EML1: variants seen among roughly 807,000 people sequenced by gnomAD.
EML1 encodes EMAP like 1, also known as echinoderm microtubule-associated protein-like 1.
EML1 carries 27 observed loss-of-function variants against 110.4 expected under a neutral mutation model. The observed-to-expected ratio is 0.24, with a 90% CI of 0.18 to 0.34. The LOEUF (loss-of-function observed/expected upper bound fraction) is 0.34, where lower values mean the gene tolerates loss of function less well. EML1 is among the 10% of genes least tolerant of loss of function. The probability of loss-of-function intolerance (pLI) is 1.00; values close to 1 mark genes in which losing one functional copy is unlikely to be tolerated. For synonymous variants in EML1, 344 were observed against 385.8 expected (o/e 0.89, Z 1.27); for missense variants, 741 against 1,030.9 (o/e 0.72, Z 3.85).
chr14:99,848,337 T>A (rs894524411), intron 1 of EML1, among the ~76,000 whole-genome samples: 3 of 152,150 alleles, frequency 2.0e-5, no homozygotes, highest in Non-Finnish European at 2.9e-5. Context: ...CATGTATGTA[T>A]CCTTGAGAAC....
At chr14:99,926,814 G>C (rs2060242589) in intron 17 of EML1, among the ~76,000 whole-genome samples, 1 of 151,574 alleles carries the variant, frequency 6.6e-6, no homozygotes, top group Non-Finnish European at 1.5e-5. Context: ...CGTGATCTCA[G>C]CTCACTGCAA....
Position 99,859,457 on chromosome 14 carries a change from C to A in EML1, c.251-6057C>A, listed in dbSNP as rs973152753. ...GTTGCTTTACAGAACACGCTTCTCA[C>A]ATGAATGAAAGACAACAGATTTCAG... On this transcript the variant is annotated intron_variant, in intron 2 of 21. Coordinates refer to ENST00000262233, the MANE Select transcript of EML1 (RefSeq NM_004434.3). Among the ~76,000 whole-genome samples, 6 of 152,298 alleles carry A rather than the reference C, an allele frequency of 3.9e-5. No individual in the cohort carries two copies. In the South Asian group the frequency reaches 1.2e-3, roughly 32 times the overall value.
At chr14:99,910,410 T>G in intron 12 of EML1, 69 bp downstream of exon 12, 2 of 1,255,736 alleles carry the variant, frequency 1.6e-6, no homozygotes, top group Non-Finnish European at 2.3e-6. Context: ...ATGAGTGCTT[T>G]AAGAATTGTC....
chr14:99,900,275 A>C (rs921118469), intron 8 of EML1, among the ~76,000 whole-genome samples: 1 of 134,812 alleles, frequency 7.4e-6, no homozygotes, highest in Non-Finnish European at 1.5e-5. Context: ...TGCAACCTCC[A>C]CCTCCCGGGT....
At chr14:99,840,080 G>A (rs1030071801) in intron 1 of EML1, among the ~76,000 whole-genome samples, 4 of 152,094 alleles carry the variant, frequency 2.6e-5, no homozygotes, top group African/African-American at 9.6e-5. Context: ...CTCCGAATAT[G>A]ACAATAGAGT....
At chr14:99,916,047 G>A in intron 15 of EML1, among the ~76,000 whole-genome samples, 1 of 152,262 alleles carries the variant, frequency 6.6e-6, no homozygotes, top group East Asian at 1.9e-4. Flanking sequence ...AAAGGGAACA[G>A]TGTTATATGT....
chr14:99,910,978 A>C (rs182207615), intron 12 of EML1, among the ~76,000 whole-genome samples: 1 of 152,314 alleles, frequency 6.6e-6, no homozygotes, highest in East Asian at 1.9e-4. Flanking sequence ...TTTCAGAAGC[A>C]TTGGTGACAT....
chr14:99,793,439 G>A lies in EML1; in HGVS notation c.-38G>A. 1 of 1,034,292 alleles carries A rather than the reference G, an allele frequency of 9.7e-7. No individual in the cohort carries two copies. The highest frequency in any genetic ancestry group is 1.2e-6 in the Non-Finnish European group (1 of 861,324). The allele number at this position is 1,034,292 out of a possible 1,614,324, so 64.1% of individuals were successfully genotyped here. A position where few individuals can be genotyped will look rare whatever the true frequency, so the allele number is the denominator to read the frequency against. On this transcript the variant is annotated 5_prime_UTR_variant, in exon 1 of 22. Coordinates refer to ENST00000262233, the MANE Select transcript of EML1 (RefSeq NM_004434.3). ...GTGTGTGGTGAGCGGCGGCGGCGCGGCCGGGCCGGGGAGCGGGCGCGGCCC... is the reference window on the plus strand; with the variant it reads ...GTGTGTGGTGAGCGGCGGCGGCGCGACCGGGCCGGGGAGCGGGCGCGGCCC...
At chr14:99,909,282 T>G (rs2059907465) in intron 10 of EML1, 63 bp from the exon 11 acceptor site, 1 of 1,611,294 alleles carries the variant, frequency 6.2e-7, no homozygotes, top group African/African-American at 1.3e-5. Context: ...TTACTTGTTT[T>G]CCTACATGTC....
chr14:99,830,039 C>T (rs993660863), intron 1 of EML1, among the ~76,000 whole-genome samples: 7 of 152,176 alleles, frequency 4.6e-5, no homozygotes, highest in Non-Finnish European at 8.8e-5. Context: ...ATATGGTGAT[C>T]CTACGTTTAA....
chr14:99,937,998 C>A, intron 20 of EML1, 86 bp downstream of exon 20: 1 of 1,391,902 alleles, frequency 7.2e-7, no homozygotes, highest in Non-Finnish European at 1.0e-6. Context: ...GTCTCATGGT[C>A]ACCAGTCTTG....
At chr14:99,907,989 T>C (rs1239644436) in intron 10 of EML1, among the ~76,000 whole-genome samples, 1 of 152,246 alleles carries the variant, frequency 6.6e-6, no homozygotes, top group Non-Finnish European at 1.5e-5. Context: ...CCCTTTTAAT[T>C]CATCCAGTCA....
chr14:99,831,967 T>C (rs1459332200), intron 1 of EML1, among the ~76,000 whole-genome samples: 1 of 152,178 alleles, frequency 6.6e-6, no homozygotes, highest in Non-Finnish European at 1.5e-5. Context: ...CTGTATATGT[T>C]CATGAGACCA....
intron 11 of EML1, 98 bp from the exon 12 acceptor site, chr14:99,910,144 C>CTTG (rs2059922494): frequency 1.1e-6 from 1 of 875,820 alleles, no homozygotes; most frequent in African/African-American, 1.7e-5. Flanking sequence ...GGGACCACTG[C>CTTG]GAATCTAGAT....
intron 1 of EML1, among the ~76,000 whole-genome samples, chr14:99,786,123 T>A (rs2057597720): frequency 1.3e-5 from 2 of 151,622 alleles, no homozygotes; most frequent in African/African-American, 4.9e-5. Flanking sequence ...ATCATAATAT[T>A]CAGGTTACTA....
intron 17 of EML1, among the ~76,000 whole-genome samples, chr14:99,924,545 G>T (rs879290370): frequency 6.6e-6 from 1 of 152,142 alleles, no homozygotes; most frequent in African/African-American, 2.4e-5. Flanking sequence ...TGTGAATATG[G>T]TTTCTCTTTC....
chr14:99,878,461 C>T, intron 3 of EML1, 24 bp from the exon 4 acceptor site: 2 of 1,594,810 alleles, frequency 1.3e-6, no homozygotes, highest in Non-Finnish European at 1.7e-6. Flanking sequence ...AAGGAGTTCA[C>T]TGTCACTTCC....
At chr14:99,923,211 G>A (rs2060160984) in intron 17 of EML1, among the ~76,000 whole-genome samples, 1 of 152,166 alleles carries the variant, frequency 6.6e-6, no homozygotes, top group Admixed American at 6.5e-5. Flanking sequence ...CAAAACTGCT[G>A]GGATTATAGG....
At position 99,755,292 on chromosome 14, in the gene EML1, C is replaced by T. The variant is rs563711503; in HGVS notation, c.28+17432C>T. 1.6e-4 allele frequency among the ~76,000 whole-genome samples: 24 copies of T among 152,288 alleles called. 1 individual carries two copies. In the East Asian group the frequency reaches 3.5e-3, roughly 22 times the overall value. ...AGCAGCCTTGGGGGCCTGGAGGCCC[C>T]GGGGAGCCTGGGGCTGCCGGAGGGG... is the stretch of plus-strand genomic sequence containing the variant. On this transcript the variant is annotated intron_variant, in intron 1 of 10. Coordinates refer to the EML1 transcript ENST00000554479.
Sources: allele counts gnomAD v4.1 joint callset (sites outside exome capture counted in the v4.1 genomes callset), GRCh38; gene constraint gnomAD v4.1.1; transcripts MANE v1.5; gene names NCBI Gene and HGNC (gene_info 2026-07-23, HGNC 2026-07-21).